DDX60: variants seen among roughly 807,000 people sequenced by gnomAD.
DDX60 encodes probable ATP-dependent RNA helicase DDX60.
In DDX60, 165 loss-of-function variants were observed where a neutral mutation model predicts 212.8. That is an observed-to-expected ratio of 0.78 (90% CI 0.68 to 0.88). The LOEUF is 0.88. DDX60 is among the 40% of genes least tolerant of loss of function. DDX60 has a pLI of 0.00. For missense variants in DDX60, 1,905 were observed against 2,003.9 expected (o/e 0.95, Z 0.94); for synonymous variants, 703 against 685.3 (o/e 1.03, Z -0.40).
intron 30 of DDX60, among the ~76,000 whole-genome samples, chr4:168,240,956 C>T (rs779533853): frequency 1.2e-4 from 19 of 152,174 alleles, no homozygotes; most frequent in African/African-American, 3.4e-4. Flanking sequence ...TCACAATTCC[C>T]GCATGTCATA....
At chr4:168,285,288 A>AAT in intron 11 of DDX60, 105 bp downstream of exon 11, 1 of 721,738 alleles carries the variant, frequency 1.4e-6, no homozygotes. Flanking sequence ...ACAAACACAT[A>AAT]CTACATGTAA....
chr4:168,320,898 C>T (rs1405670037), upstream of DDX60, among the ~76,000 whole-genome samples: 1 of 152,230 alleles, frequency 6.6e-6, no homozygotes, highest in Non-Finnish European at 1.5e-5. Context: ...AATGGCCTAT[C>T]TACAACATTC....
intron 30 of DDX60, among the ~76,000 whole-genome samples, chr4:168,244,714 G>A (rs1417472163): frequency 6.6e-6 from 1 of 151,222 alleles, no homozygotes; most frequent in Admixed American, 6.6e-5. Context: ...TATAGAGCAA[G>A]ACTCTATCTC....
chr4:168,249,001 C>T (rs181835493), intron 28 of DDX60, among the ~76,000 whole-genome samples: 1 of 152,262 alleles, frequency 6.6e-6, no homozygotes, highest in East Asian at 1.9e-4. Flanking sequence ...CTCAGCTGAT[C>T]CACCCACTTT....
rs755814423 is a variant in DDX60, at chr4:168,273,349, T to C, written c.2504A>G (p.Asn835Ser). The change falls in exon 18 of 38, where the codon AAT becomes AGT. Residue 835 changes from asparagine (N) to serine (S), a missense_variant. Physicochemically the swap from Asn to Ser is conservative, Grantham distance 46 (BLOSUM62 1). Transcript: ENST00000393743. ...ACAGAGAACTTCACCACTTGGCAGA[T>C]TTTTCGTAAAACGATTCTGAACAGT... Reference protein sequence around the residue: ...AATVQNRFTKNLPSGEVLCGV... With the variant: ...AATVQNRFTKSLPSGEVLCGV... 3.1e-6 allele frequency: 5 copies of C among 1,613,778 alleles called. No homozygotes were observed. In the African/African-American group the frequency reaches 4.0e-5, roughly 13 times the overall value.
At chr4:168,272,273 G>T (rs1735135836) in intron 18 of DDX60, 135 bp from the exon 19 acceptor site, 1 of 684,798 alleles carries the variant, frequency 1.5e-6, no homozygotes, top group Non-Finnish European at 2.4e-6. Context: ...TTGCTTCTGA[G>T]AATTCAGGGT....
chr4:168,272,892 G>A (rs559130152), intron 18 of DDX60, among the ~76,000 whole-genome samples: 17 of 152,234 alleles, frequency 1.1e-4, no homozygotes, highest in African/African-American at 3.6e-4. Context: ...CCAGGTATAC[G>A]ATCCATAATA....
At chr4:168,267,787 T>C (rs1435791064) in intron 21 of DDX60, 54 bp downstream of exon 21, 3 of 1,549,414 alleles carry the variant, frequency 1.9e-6, no homozygotes, top group African/African-American at 2.8e-5. Context: ...AATGGCAGAT[T>C]TTTTAAAAAT....
Position 168,280,576 on chromosome 4 carries a change from T to G in DDX60, c.1737A>C (p.Glu579Asp). Residue 579 changes from glutamate (E) to aspartate (D), a missense_variant, in exon 14 of 38, where the codon GAA (glutamate) becomes GAC (aspartate). Physicochemically the swap from Glu to Asp is conservative, Grantham distance 45. Coordinates refer to ENST00000393743, the MANE Select transcript of DDX60 (RefSeq NM_017631.6). ...KSKKAHETKA[E>D]IIARENKKRL... ...TTTTCTTATTCTCTCTAGCAATTAT[T>G]TCAGCCTTGGTCTCCTGCCCCAAAG... The G allele has an allele frequency of 6.2e-7, 1 of 1,611,124 alleles. No individual in the cohort carries two copies. Among genetic ancestry groups the G allele is most frequent in the Non-Finnish European group, 8.5e-7 (1 of 1,179,134 alleles).
chr4:168,269,457 C>T (rs1161488625), intron 19 of DDX60, among the ~76,000 whole-genome samples: 3 of 151,948 alleles, frequency 2.0e-5, no homozygotes, highest in Admixed American at 6.6e-5. Flanking sequence ...AAAAATTAGC[C>T]GGGCGTGGTG....
At chr4:168,247,059 T>C (rs938403582) in intron 29 of DDX60, among the ~76,000 whole-genome samples, 2 of 152,138 alleles carry the variant, frequency 1.3e-5, no homozygotes, top group African/African-American at 4.8e-5. Context: ...AAATAAAATA[T>C]GGGCACAAAC....
intron 1 of DDX60, among the ~76,000 whole-genome samples, chr4:168,313,951 T>C (rs1004970320): frequency 1.3e-5 from 2 of 152,216 alleles, no homozygotes; most frequent in African/African-American, 4.8e-5. Context: ...GCAATAGCTA[T>C]GGTGACAAAA....
At chr4:168,242,781 T>C (rs1733894353) in intron 30 of DDX60, among the ~76,000 whole-genome samples, 1 of 152,100 alleles carries the variant, frequency 6.6e-6, no homozygotes, top group African/African-American at 2.4e-5. Flanking sequence ...TGGGAGACTG[T>C]TAGAAAGGCA....
At chr4:168,284,621 A>G (rs1302128080) in intron 12 of DDX60, among the ~76,000 whole-genome samples, 199 bp downstream of exon 12, 1 of 152,214 alleles carries the variant, frequency 6.6e-6, no homozygotes, top group Non-Finnish European at 1.5e-5. Context: ...AAACACATAC[A>G]TATCTACATA....
rs760221050 is a variant in DDX60, at chr4:168,273,968, T to A, written c.2420A>T (p.Asp807Val). 1 of 1,614,172 alleles carries A rather than the reference T, an allele frequency of 6.2e-7. No individual in the cohort carries two copies. Among genetic ancestry groups the A allele is most frequent in the Non-Finnish European group, 8.5e-7 (1 of 1,179,996 alleles). ...TGCAACGTACACGACCACCCCGTCG[T>A]CGCTCTCCTTCAGCACTTTCTCCAT... ...YCMEKVLKES[D>V]DGVVVYVAPT... Residue 807 changes from aspartate to valine, a missense_variant, in exon 17 of 38, where the codon GAC (aspartate) becomes GTC (valine). Asp to Val is a radical substitution (Grantham distance 152). Transcript: ENST00000393743.
chr4:168,306,318 T>C, intron 5 of DDX60, 61 bp downstream of exon 5: 2 of 1,300,662 alleles, frequency 1.5e-6, no homozygotes, highest in Non-Finnish European at 2.1e-6. Flanking sequence ...AAAAACTGAG[T>C]CAAGTAACTT....
chr4:168,271,110 T>A (rs1270330121), intron 19 of DDX60, among the ~76,000 whole-genome samples: 1 of 152,130 alleles, frequency 6.6e-6, no homozygotes, highest in Non-Finnish European at 1.5e-5. Context: ...ACTCCTGACC[T>A]CAGGCAATCT....
chr4:168,250,737 G>C (rs192793886), intron 28 of DDX60, among the ~76,000 whole-genome samples: 3 of 151,712 alleles, frequency 2.0e-5, no homozygotes, highest in African/African-American at 7.3e-5. Flanking sequence ...TGTTGGCCAG[G>C]CTGGTCTCGA....
chr4:168,293,623 A>G (rs1169063182), intron 7 of DDX60, among the ~76,000 whole-genome samples, 164 bp downstream of exon 7: 2 of 152,246 alleles, frequency 1.3e-5, no homozygotes, highest in African/African-American at 4.8e-5. Flanking sequence ...TAATGGCACA[A>G]TAAGTGTTTC....
Sources: allele counts gnomAD v4.1 joint callset (sites outside exome capture counted in the v4.1 genomes callset), GRCh38; gene constraint gnomAD v4.1.1; transcripts MANE v1.5; gene names NCBI Gene and HGNC (gene_info 2026-07-23, HGNC 2026-07-21).